RNF212: variants seen among roughly 807,000 people sequenced by gnomAD.
RNF212 encodes ring finger protein 212, also known as probable E3 SUMO-protein ligase RNF212.
A neutral mutation model predicts 34.7 loss-of-function variants in RNF212; 33 were observed. The ratio of observed to expected loss-of-function variants is 0.95; its 90% CI spans 0.72 to 1.27. The LOEUF is 1.27. RNF212 is among the 50% of genes most tolerant of loss of function. The pLI is 0.00. For synonymous variants in RNF212, 140 were observed against 136.1 expected (o/e 1.03, Z -0.20); for missense variants, 377 against 362.2 (o/e 1.04, Z -0.33).
chr4:1,106,780 C>T (rs1020446699), intron 2 of RNF212, among the ~76,000 whole-genome samples: 9 of 152,204 alleles, frequency 5.9e-5, no homozygotes, highest in Admixed American at 5.2e-4. Context: ...AGCCTCTAAG[C>T]TGCCACATGT....
chr4:1,099,612 C>G, intron 2 of RNF212: 3 of 412,422 alleles, frequency 7.3e-6, no homozygotes, highest in South Asian at 5.3e-5. Flanking sequence ...CGCACAATCC[C>G]CAGGAAAATC....
chr4:1,058,362 G>A (rs780779702), exon 4 of RNF212: 1 of 984,528 alleles, frequency 1.0e-6, no homozygotes, highest in Non-Finnish European at 1.2e-6. Context: ...TTGTCAGGCC[G>A]GGATGCTCGG....
chr4:1,096,771 G>A lies in RNF212; in HGVS notation c.240C>T (p.Thr80=), dbSNP rs1560145716. Reference sequence around the variant, plus strand: ...CACACCCCTCACAGCTCACCTGGGAGGTTTCCCTGGAGTACTTCTTACACA... The same window carrying A: ...CACACCCCTCACAGCTCACCTGGGAAGTTTCCCTGGAGTACTTCTTACACA... ...DSLCKKYSRE[T]SQILEFQEKH... The change falls in exon 3 of 10, where the codon ACC becomes ACT. Residue 80 remains threonine, a synonymous_variant. Coordinates refer to ENST00000433731, the MANE Select transcript of RNF212 (RefSeq NM_001131034.4). 6.2e-7 allele frequency: 1 copy of A among 1,611,934 alleles called. No homozygotes were observed. The highest frequency in any genetic ancestry group is 1.1e-5 in the South Asian group (1 of 91,032).
At chr4:1,096,907 C>A in intron 2 of RNF212, 68 bp from the exon 3 acceptor site, 1 of 1,216,568 alleles carries the variant, frequency 8.2e-7, no homozygotes. Context: ...CAGTTAAAAA[C>A]TGTACTTGAA....
At chr4:1,091,589 T>C (rs1333933256) in intron 3 of RNF212, among the ~76,000 whole-genome samples, 1 of 152,128 alleles carries the variant, frequency 6.6e-6, no homozygotes, top group Non-Finnish European at 1.5e-5. Flanking sequence ...TCTGCGATGA[T>C]AACACAAGCA....
chr4:1,084,585 C>T (rs558175784), intron 5 of RNF212, among the ~76,000 whole-genome samples: 31 of 151,998 alleles, frequency 2.0e-4, no homozygotes, highest in African/African-American at 7.2e-4. Flanking sequence ...AAAAAATTAG[C>T]TGTGTGTGGT....
At chr4:1,099,781 A>C (rs1301343371) in intron 2 of RNF212, 1 of 456,128 alleles carries the variant, frequency 2.2e-6, no homozygotes, top group Non-Finnish European at 4.4e-6. Flanking sequence ...AATGGAGGAA[A>C]TCAACCCTGG....
At chr4:1,061,143 G>T (rs1717724452) in intron 3 of RNF212, among the ~76,000 whole-genome samples, 1 of 152,190 alleles carries the variant, frequency 6.6e-6, no homozygotes, top group Non-Finnish European at 1.5e-5. Flanking sequence ...CCCAGCCTGA[G>T]GGTGAATACA....
Position 1,094,160 on chromosome 4 carries a change from C to G in RNF212, c.246+2605G>C, listed in dbSNP as rs913232611. ...CATCCTCAGTCTCCTGCCTCAGATC[C>G]TGGCTGCCCCCACTAGGCCTCTTTC... On this transcript the variant is annotated intron_variant, in intron 3 of 9. Transcript: ENST00000433731. 3 of 1,092,946 alleles carry G rather than the reference C, an allele frequency of 2.7e-6. No homozygotes were observed. The African/African-American group carries it at 4.9e-5, about 18-fold the overall frequency. 67.7% of individuals were successfully genotyped at this position (1,092,946 alleles called of 1,614,324 possible).
rs1348157767 is a variant in RNF212, at chr4:1,113,381, C to T, written c.84G>A (p.Val28=). Reference sequence around the variant, plus strand: ...CTTTGCCGAGGCAGGCGTCGCAGTACACGTGCCCGCAGTTGGTGAGGCTGA... The same window carrying T: ...CTTTGCCGAGGCAGGCGTCGCAGTATACGTGCCCGCAGTTGGTGAGGCTGA... The part of the protein sequence containing the change: ...SCFSLTNCGH[V]YCDACLGKGK... The change falls in exon 1 of 10, where the codon GTG becomes GTA. Residue 28 remains valine (V), a synonymous_variant. Transcript: ENST00000433731. 8.8e-6 allele frequency: 14 copies of T among 1,592,056 alleles called. No homozygotes were observed. Among genetic ancestry groups the T allele is most frequent in the Non-Finnish European group, 1.1e-5 (13 of 1,170,544 alleles).
intron 3 of RNF212, among the ~76,000 whole-genome samples, chr4:1,066,397 C>T (rs895926907): frequency 3.3e-5 from 5 of 152,140 alleles, no homozygotes; most frequent in Non-Finnish European, 5.9e-5. Context: ...GGCACAATCT[C>T]GACTTACTGC....
At chr4:1,060,984 G>A (rs1225971374) in intron 3 of RNF212, among the ~76,000 whole-genome samples, 2 of 152,214 alleles carry the variant, frequency 1.3e-5, no homozygotes, top group African/African-American at 4.8e-5. Context: ...AGCCAAGTGC[G>A]AAACTGGACA....
chr4:1,106,307 GAA>G (rs901023293), intron 2 of RNF212, among the ~76,000 whole-genome samples: 9 of 149,362 alleles, frequency 6.0e-5, no homozygotes, highest in African/African-American at 2.0e-4. Context: ...CAGACACAGA[GAA>G]AAGAACACAC....
At chr4:1,093,715 G>C in intron 3 of RNF212, 1 of 1,536,266 alleles carries the variant, frequency 6.5e-7, no homozygotes, top group Non-Finnish European at 8.7e-7. Context: ...TGTGATAACA[G>C]ACATGTTTTA....
rs1209148827 is a variant in RNF212, at chr4:1,113,435, G to A, written c.30C>T (p.Cys10=). The change falls in exon 1 of 10, where the codon TGC becomes TGT. Residue 10 remains cysteine, a synonymous_variant. Coordinates refer to ENST00000433731, the MANE Select transcript of RNF212 (RefSeq NM_001131034.4). MANWVFCNR[C]FQPPHRTSCF... ...ACGACGTCCTGTGGGGCGGCTGGAA[G>A]CAGCGATTACAGAACACCCAGTTGG... 2 of 1,608,094 alleles carry A rather than the reference G, an allele frequency of 1.2e-6. No individual in the cohort carries two copies. The highest frequency in any genetic ancestry group is 1.3e-5 in the African/African-American group (1 of 74,302).
chr4:1,103,847 C>G (rs890256577), intron 2 of RNF212, among the ~76,000 whole-genome samples: 3 of 152,198 alleles, frequency 2.0e-5, no homozygotes. Flanking sequence ...CTAATGCCAC[C>G]GTTTCTCCTC....
chr4:1,083,214 G>C (rs1425098724), intron 5 of RNF212, among the ~76,000 whole-genome samples: 2 of 152,150 alleles, frequency 1.3e-5, no homozygotes, highest in Non-Finnish European at 2.9e-5. Context: ...GAGGATATCA[G>C]GTAAGGAAAA....
chr4:1,057,344 C>CTTTTA (rs939599997), intron 4 of RNF212, among the ~76,000 whole-genome samples: 22 of 151,998 alleles, frequency 1.4e-4, no homozygotes, highest in Admixed American at 1.4e-3. Context: ...GAGGGTCTGC[C>CTTTTA]TTTTAGCGAG....
chr4:1,066,361 C>T (rs990181794), intron 3 of RNF212, among the ~76,000 whole-genome samples: 1 of 152,186 alleles, frequency 6.6e-6, no homozygotes, highest in Non-Finnish European at 1.5e-5. Flanking sequence ...CAGGGTCTCA[C>T]ACTGTCACCC....
Sources: allele counts gnomAD v4.1 joint callset (sites outside exome capture counted in the v4.1 genomes callset), GRCh38; gene constraint gnomAD v4.1.1; transcripts MANE v1.5; gene names NCBI Gene and HGNC (gene_info 2026-07-23, HGNC 2026-07-21).